Variants in TRIM29 observed in about 807,000 individuals in gnomAD.
TRIM29 encodes tripartite motif containing 29.
A neutral mutation model predicts 57.3 loss-of-function variants in TRIM29; 52 were observed. That is an observed-to-expected ratio of 0.91 (90% CI 0.73 to 1.14). The LOEUF (loss-of-function observed/expected upper bound fraction) is 1.14, where lower values mean the gene tolerates loss of function less well. Ranked by LOEUF, TRIM29 falls within the 50% of genes most tolerant of loss-of-function variation. The pLI is 0.00. For synonymous variants in TRIM29, 319 were observed against 316.9 expected, an observed-to-expected ratio of 1.01 and a Z score of -0.07; for missense variants, 753 against 774.6, an observed-to-expected ratio of 0.97 and a Z score of 0.33.
rs535833541 is a variant in TRIM29 at position 120,125,870 on chromosome 11, C to T, written c.1154G>A (p.Ser385Asn). 6.8e-6 allele frequency: 11 copies of T among 1,613,460 alleles called. No individual in the cohort carries two copies. The highest frequency in any genetic ancestry group is 1.7e-5 in the Admixed American group (1 of 59,984). ...LFLQEFGALM[S>N]NYSLPPPLPT... ...CAGGGGTGGGGGGAGAGAGTAATTG[C>T]TCATCAATGCACCAAATTCCTACCA... The change falls in exon 4 of 9, where the codon AGC (serine) becomes AAC (asparagine). Residue 385 changes from serine (S) to asparagine (N), a missense_variant. Ser to Asn is a conservative substitution (Grantham distance 46). Transcript: ENST00000341846.
At chr11:120,117,737 A>G in intron 7 of TRIM29, 1 of 169,712 alleles carries the variant, frequency 5.9e-6, no homozygotes, top group South Asian at 1.4e-4. Context: ...AGAGTGCAGG[A>G]AAAGAGGATC....
chr11:120,123,072 C>A lies in TRIM29; in HGVS notation c.1334-17G>T. ...GGTCACCACCTAGGAAGCAGAGGGT[C>A]GGGTCAGCAGAGGAGCCAGGTGGGA... On this transcript the variant is annotated splice_polypyrimidine_tract_variant and intron_variant, in intron 4 of 8. Coordinates refer to ENST00000341846, the MANE Select transcript of TRIM29 (RefSeq NM_012101.4). The A allele has an allele frequency of 6.2e-7, 1 of 1,613,242 alleles. No individual in the cohort carries two copies. Among genetic ancestry groups the A allele is most frequent in the African/African-American group, 1.3e-5 (1 of 74,998 alleles).
At chr11:120,123,976 CG>C (rs1428190304) in intron 4 of TRIM29, 11 of 160,650 alleles carry the variant, frequency 6.8e-5, no homozygotes, top group African/African-American at 2.6e-4. Flanking sequence ...AGGCTAGCAT[CG>C]GGGAGGAGTG....
chr11:120,123,076 T>G, intron 4 of TRIM29, 21 bp from the exon 5 acceptor site: 1 of 1,611,830 alleles, frequency 6.2e-7, no homozygotes, highest in East Asian at 2.2e-5. Context: ...GAGGGTCGGG[T>G]CAGCAGAGGA....
At chr11:120,123,222 C>T in intron 4 of TRIM29, 167 bp from the exon 5 acceptor site, 1 of 706,600 alleles carries the variant, frequency 1.4e-6, no homozygotes, top group Non-Finnish European at 2.6e-6. Flanking sequence ...GCCCAGCATT[C>T]ACTCGGTTCC....
At chr11:120,123,395 C>T (rs566685903) in intron 4 of TRIM29, 20 of 495,370 alleles carry the variant, frequency 4.0e-5, no homozygotes, top group Non-Finnish European at 7.9e-5. Context: ...TGGTTGTATC[C>T]CCCTGAGACA....
Position 120,123,044 on chromosome 11 carries a change from G to T in TRIM29, c.1345C>A (p.Arg449Ser). 1 of 1,614,040 alleles carries T rather than the reference G, an allele frequency of 6.2e-7. No homozygotes were observed. The highest frequency in any genetic ancestry group is 8.5e-7 in the Non-Finnish European group (1 of 1,179,978). ...RNHMENGGDH[R>S]YVNNYTNSFG... The stretch of plus-strand genomic sequence containing the variant: ...CTGTTCGTGTAGTTGTTCACATAGC[G>T]ATGGTCACCACCTAGGAAGCAGAGG... Residue 449 changes from arginine (R) to serine (S), a missense_variant, in exon 5 of 9, where the codon CGC becomes AGC. Arg to Ser is a moderately radical substitution (Grantham distance 110). Coordinates refer to ENST00000341846, the MANE Select transcript of TRIM29 (RefSeq NM_012101.4).
At chr11:120,127,053 C>G (rs1189140628) in intron 3 of TRIM29, among the ~76,000 whole-genome samples, 5 of 152,176 alleles carry the variant, frequency 3.3e-5, no homozygotes, top group African/African-American at 1.2e-4. Flanking sequence ...CCTACTGAGC[C>G]CAGAGCACTG....
At chr11:120,132,742 G>A (rs1195556033) in intron 1 of TRIM29, among the ~76,000 whole-genome samples, 4 of 152,216 alleles carry the variant, frequency 2.6e-5, no homozygotes, top group African/African-American at 9.6e-5. Flanking sequence ...CCAGTTAATT[G>A]CCAAATTTGT....
intron 2 of TRIM29, 140 bp downstream of exon 2, chr11:120,128,260 A>T (rs1863640202): frequency 3.0e-6 from 2 of 676,132 alleles, no homozygotes; most frequent in South Asian, 1.9e-5. Context: ...TGAGAATGTC[A>T]GAGGAGGTGG....
At chr11:120,115,289 G>A in intron 8 of TRIM29, 49 bp downstream of exon 8, 2 of 1,582,408 alleles carry the variant, frequency 1.3e-6, no homozygotes, top group Non-Finnish European at 1.7e-6. Flanking sequence ...CCCCTTCAGT[G>A]CCCAGGTCTC....
At position 120,137,871 on chromosome 11, in the gene TRIM29, T is replaced by C; in HGVS notation, c.161A>G (p.Lys54Arg). 1 of 1,611,588 alleles carries C rather than the reference T, an allele frequency of 6.2e-7. No individual in the cohort carries two copies. Among genetic ancestry groups the C allele is most frequent in the Non-Finnish European group, 8.5e-7 (1 of 1,180,004 alleles). Residue 54 changes from lysine to arginine, a missense_variant, in exon 1 of 9, where the codon AAG becomes AGG. Coordinates refer to ENST00000341846, the MANE Select transcript of TRIM29 (RefSeq NM_012101.4). The surrounding 1 kb of genome is among the most constrained non-coding windows in gnomAD (Gnocchi z 6.2). Reference protein sequence around the residue: ...NGHGGEAAEGKSLGSALKPGE... With the variant: ...NGHGGEAAEGRSLGSALKPGE... ...TGGCTTCAGGGCGCTGCCCAGGCTCTTGCCCTCAGCTGCCTCCCCGCCGTG... is the reference window on the plus strand; with the variant it reads ...TGGCTTCAGGGCGCTGCCCAGGCTCCTGCCCTCAGCTGCCTCCCCGCCGTG...
intron 8 of TRIM29, among the ~76,000 whole-genome samples, chr11:120,114,979 C>G (rs554257204): frequency 5.3e-5 from 8 of 152,190 alleles, no homozygotes; most frequent in African/African-American, 1.7e-4. Context: ...TAGGAGGAGG[C>G]CTGTCCTCCC....
chr11:120,115,320 C>A lies in TRIM29; in HGVS notation c.1704+18G>T, dbSNP rs369591196. The A allele has an allele frequency of 8.8e-5, 142 of 1,611,066 alleles. No homozygotes were observed. Among genetic ancestry groups the A allele is most frequent in the Non-Finnish European group, 1.2e-4 (140 of 1,178,782 alleles). ...GTCTCTGGATGTGCCCAGGCCCTCC[C>A]GGCAGCACTTCCCTTACCAGCATAG... On this transcript the variant is annotated intron_variant, in intron 8 of 8. Transcript: ENST00000341846.
At position 120,112,431 on chromosome 11, in the gene TRIM29, AC is replaced by A; in HGVS notation, c.1749del (p.Ser584ProfsTer29). 6.2e-7 allele frequency: 1 copy of A among 1,613,230 alleles called. No individual in the cohort carries two copies. Among genetic ancestry groups the A allele is most frequent in the South Asian group, 1.1e-5 (1 of 90,958 alleles). Reference protein sequence around the residue: ...PFYVNKGNGIGSNEAP With the variant: ...PFYVNKGNGIXSNEAP ...CCAGGAGCTCATGGGGCTTCGTTGGACCCAATCCCGTTGCCTTTGTTGACGT... is the reference window on the plus strand; with the variant it reads ...CCAGGAGCTCATGGGGCTTCGTTGGACCAATCCCGTTGCCTTTGTTGACGT... On this transcript the variant is annotated frameshift_variant, in exon 9 of 9. Coordinates refer to ENST00000341846, the MANE Select transcript of TRIM29 (RefSeq NM_012101.4). LOFTEE classifies it high-confidence loss of function.
intron 1 of TRIM29, among the ~76,000 whole-genome samples, chr11:120,135,952 G>T (rs1591332361): frequency 6.6e-6 from 1 of 152,138 alleles, no homozygotes; most frequent in Non-Finnish European, 1.5e-5. Flanking sequence ...CCCCACATCT[G>T]TGGGGCAAAG....
rs531623452 is a variant in TRIM29 at position 120,116,224 on chromosome 11, G to C, written c.1628-810C>G. The C allele has an allele frequency of 3.9e-5, 6 of 152,434 alleles. No homozygotes were observed. The East Asian group carries it at 1.2e-3, about 29-fold the overall frequency. The allele number at this position is 152,434 out of a possible 1,614,324, so 9.4% of individuals were successfully genotyped here. A position where few individuals can be genotyped will look rare whatever the true frequency, so the allele number is the denominator to read the frequency against. On this transcript the variant is annotated intron_variant, in intron 7 of 8. Coordinates refer to ENST00000341846, the MANE Select transcript of TRIM29 (RefSeq NM_012101.4). ...TCTGAGCTTGGTTGCAAAGATGCTA[G>C]TCTAAGACGGGGCCGCCTTGACTCC...
At chr11:120,116,929 A>G in intron 7 of TRIM29, 1 of 381,002 alleles carries the variant, frequency 2.6e-6, no homozygotes, top group Non-Finnish European at 5.3e-6. Context: ...GTGGGAGAGA[A>G]AAGGGGAGGG....
chr11:120,123,631 C>A (rs1055448820), intron 4 of TRIM29, among the ~76,000 whole-genome samples: 1 of 152,202 alleles, frequency 6.6e-6, no homozygotes, highest in East Asian at 1.9e-4. Context: ...AACTGCAGAC[C>A]CCCTAACTCA....
Sources: allele counts gnomAD v4.1 joint callset (sites outside exome capture counted in the v4.1 genomes callset), GRCh38; gene constraint gnomAD v4.1.1; non-coding constraint Gnocchi (gnomAD v3.1); transcripts MANE v1.5; gene names NCBI Gene and HGNC (gene_info 2026-07-23, HGNC 2026-07-21).